RBFOX1: variants seen among roughly 807,000 people sequenced by gnomAD.
RBFOX1 encodes the protein RNA binding fox-1 homolog 1, also known as RNA binding protein fox-1 homolog 1.
In RBFOX1, 8 loss-of-function variants were observed where a neutral mutation model predicts 57.7. The observed-to-expected ratio is 0.14, with a 90% confidence interval of 0.08 to 0.25. RBFOX1 has a LOEUF of 0.25. Ranked by LOEUF, RBFOX1 falls within the 10% of genes least tolerant of loss-of-function variation. The pLI is 1.00. For synonymous variants in RBFOX1, 326 were observed against 222.4 expected (o/e 1.47, Z -4.15); for missense variants, 611 against 548.5 (o/e 1.11, Z -1.14).
At chr16:6,534,689 T>C (rs1427105663) in intron 2 of RBFOX1, among the ~76,000 whole-genome samples, 2 of 152,208 alleles carry the variant, frequency 1.3e-5, no homozygotes, top group Non-Finnish European at 1.5e-5. Flanking sequence ...ACTTGCTTCC[T>C]TTGCATTTTT....
chr16:6,075,322 A>G (rs1219430698), intron 1 of RBFOX1, among the ~76,000 whole-genome samples: 3 of 152,240 alleles, frequency 2.0e-5, no homozygotes, highest in African/African-American at 4.8e-5. Flanking sequence ...AAATAAATAG[A>G]GAAATACTCA....
intron 4 of RBFOX1, among the ~76,000 whole-genome samples, chr16:7,379,933 C>T (rs1374909660): frequency 6.6e-6 from 1 of 152,166 alleles, no homozygotes; most frequent in East Asian, 1.9e-4. Context: ...TCTCACCCCA[C>T]AGCCTTGGCC....
At chr16:5,768,620 A>G (rs1221091188) in intron 3 of RBFOX1, among the ~76,000 whole-genome samples, 1 of 152,162 alleles carries the variant, frequency 6.6e-6, no homozygotes, top group Non-Finnish European at 1.5e-5. Flanking sequence ...ACTCTGCATC[A>G]TAGCCAAAAT....
chr16:7,350,704 T>C (rs2097113027), intron 4 of RBFOX1, among the ~76,000 whole-genome samples: 1 of 152,214 alleles, frequency 6.6e-6, no homozygotes, highest in African/African-American at 2.4e-5. Flanking sequence ...CTGCCATTTC[T>C]TTGATCTTCA....
chr16:6,574,424 A>ATTTTTTTTTTT (rs34505014), intron 2 of RBFOX1, among the ~76,000 whole-genome samples: 1 of 89,942 alleles, frequency 1.1e-5, no homozygotes, highest in Non-Finnish European at 2.1e-5. Context: ...CGTATCTTCT[A>ATTTTTTTTTTT]TTTTTTTTTT....
intron 3 of RBFOX1, among the ~76,000 whole-genome samples, chr16:6,977,947 A>AAAATAAAT (rs1555705866): frequency 2.7e-5 from 4 of 145,960 alleles, no homozygotes; most frequent in Admixed American, 6.9e-5. Context: ...GAAAAAAAAA[A>AAAATAAAT]AAAAGGCAAA....
At chr16:6,705,550 C>G (rs1239761276) in intron 3 of RBFOX1, 7 of 152,114 alleles carry the variant, frequency 4.6e-5, no homozygotes, top group Admixed American at 4.6e-4. Flanking sequence ...TAATACCATT[C>G]TCCAAAAAGG....
chr16:5,833,573 A>T (rs547574533), intron 3 of RBFOX1, among the ~76,000 whole-genome samples: 32 of 152,042 alleles, frequency 2.1e-4, no homozygotes, highest in South Asian at 4.1e-4. Context: ...GTACCTTTCA[A>T]TTATAAAGGT....
chr16:7,469,946 A>T (rs2061258955), intron 4 of RBFOX1, among the ~76,000 whole-genome samples: 2 of 151,690 alleles, frequency 1.3e-5, no homozygotes, highest in Non-Finnish European at 1.5e-5. Context: ...TCTTTTTGTG[A>T]CTGGCTTATT....
At chr16:6,772,347 T>G (rs1280097133) in intron 3 of RBFOX1, among the ~76,000 whole-genome samples, 1 of 152,146 alleles carries the variant, frequency 6.6e-6, no homozygotes, top group Non-Finnish European at 1.5e-5. Context: ...ATCCAAATAA[T>G]TTATTTATGC....
chr16:6,728,334 A>G (rs762154416), intron 3 of RBFOX1, among the ~76,000 whole-genome samples: 1 of 150,262 alleles, frequency 6.7e-6, no homozygotes, highest in Non-Finnish European at 1.5e-5. Context: ...AACTTGAGCA[A>G]ATTTCTCTCC....
At chr16:5,308,437 A>T (rs2063995677) in intron 1 of RBFOX1, among the ~76,000 whole-genome samples, 1 of 152,118 alleles carries the variant, frequency 6.6e-6, no homozygotes, top group Non-Finnish European at 1.5e-5. Flanking sequence ...GTGATCACCA[A>T]GGCTCAGATA....
intron 3 of RBFOX1, among the ~76,000 whole-genome samples, chr16:5,744,297 T>G (rs1161416963): frequency 6.6e-6 from 1 of 152,182 alleles, no homozygotes; most frequent in African/African-American, 2.4e-5. Flanking sequence ...CGCAGCACCT[T>G]GAACCCGTTT....
chr16:5,719,011 C>T (rs1380530123), intron 3 of RBFOX1, among the ~76,000 whole-genome samples: 2 of 151,318 alleles, frequency 1.3e-5, no homozygotes, highest in Admixed American at 1.3e-4. Flanking sequence ...TATAAGATTT[C>T]TGTAAGGATT....
intron 1 of RBFOX1, among the ~76,000 whole-genome samples, chr16:6,182,766 C>T (rs1025216644): frequency 6.6e-6 from 1 of 152,154 alleles, no homozygotes; most frequent in Non-Finnish European, 1.5e-5. Flanking sequence ...AACTTACATC[C>T]TTTATGCTCT....
At chr16:6,391,186 G>A (rs1044673518) in intron 2 of RBFOX1, among the ~76,000 whole-genome samples, 2 of 152,126 alleles carry the variant, frequency 1.3e-5, no homozygotes, top group African/African-American at 2.4e-5. Flanking sequence ...AGGATCCATG[G>A]AAAGCCACTG....
intron 3 of RBFOX1, among the ~76,000 whole-genome samples, chr16:6,839,844 G>C (rs997814543): frequency 1.5e-4 from 23 of 152,252 alleles, no homozygotes; most frequent in Middle Eastern, 3.4e-3. Context: ...TCATACCTCT[G>C]TTCTTACGTG....
intron 4 of RBFOX1, among the ~76,000 whole-genome samples, chr16:5,910,279 T>C (rs568206375): frequency 3.9e-5 from 6 of 152,044 alleles, no homozygotes; most frequent in Non-Finnish European, 8.8e-5. Flanking sequence ...GGGAGAAGTT[T>C]CACATAGCAT....
intron 3 of RBFOX1, among the ~76,000 whole-genome samples, chr16:6,764,898 C>G (rs976999227): frequency 6.6e-6 from 1 of 152,048 alleles, no homozygotes. Flanking sequence ...GATTGTGCCA[C>G]TGCACTCCAA....
Sources: allele counts gnomAD v4.1 joint callset (sites outside exome capture counted in the v4.1 genomes callset), GRCh38; gene constraint gnomAD v4.1.1; transcripts MANE v1.5; gene names NCBI Gene and HGNC (gene_info 2026-07-23, HGNC 2026-07-21).